The following TRABD2B variants were observed in gnomAD, a reference collection of about 807,000 sequenced individuals.
The protein encoded by TRABD2B is TraB domain containing 2B, also known as metalloprotease TIKI2.
A neutral mutation model predicts 40.1 loss-of-function variants in TRABD2B; 14 were observed. That is an observed-to-expected ratio of 0.35 (90% CI 0.23 to 0.55). TRABD2B has a LOEUF of 0.55. Among genes scored for constraint, TRABD2B ranks in the 20% least tolerant of loss-of-function variants. The pLI is 0.90. For missense variants in TRABD2B, 541 were observed against 648.6 expected, an observed-to-expected ratio of 0.83 and a Z score of 1.80; for synonymous variants, 263 against 277.0, an observed-to-expected ratio of 0.95 and a Z score of 0.50.
At chr1:47,971,285 T>C (rs1645678679) in intron 2 of TRABD2B, among the ~76,000 whole-genome samples, 2 of 152,188 alleles carry the variant, frequency 1.3e-5, no homozygotes, top group African/African-American at 4.8e-5. Flanking sequence ...CAAACAGACA[T>C]GTCCCTGCTA....
At position 47,994,125 on chromosome 1, in the gene TRABD2B, T is replaced by C; in HGVS notation, c.575A>G (p.Gln192Arg). The change falls in exon 2 of 7, where the codon CAG becomes CGG. Residue 192 changes from glutamine to arginine, a missense_variant. Coordinates refer to ENST00000606738, the MANE Select transcript of TRABD2B (RefSeq NM_001194986.2). The surrounding 1 kb of genome is among the most constrained non-coding windows in gnomAD (Gnocchi z 6.7). Reference sequence around the variant, plus strand: ...GGTCTTCTTCATCTTCTCAGCCTGCTGGGCCAGGTAGAGGTCGAGCACGGG... The same window carrying C: ...GGTCTTCTTCATCTTCTCAGCCTGCCGGGCCAGGTAGAGGTCGAGCACGGG... ...GVPVLDLYLA[Q>R]QAEKMKKTTG... is the part of the protein sequence containing the mutation. The C allele has an allele frequency of 1.3e-6, 2 of 1,536,284 alleles. No homozygotes were observed. Among genetic ancestry groups the C allele is most frequent in the South Asian group, 2.4e-5 (2 of 84,060 alleles).
At chr1:47,863,683 G>T (rs2124563879) in intron 2 of TRABD2B, among the ~76,000 whole-genome samples, 1 of 152,226 alleles carries the variant, frequency 6.6e-6, no homozygotes, top group African/African-American at 2.4e-5. Flanking sequence ...CACTTTGGAA[G>T]ATGGTTAGGT....
chr1:47,817,534 G>A (rs1291421179), intron 2 of TRABD2B, among the ~76,000 whole-genome samples: 1 of 152,068 alleles, frequency 6.6e-6, no homozygotes, highest in Non-Finnish European at 1.5e-5. Flanking sequence ...TAGTGACAGG[G>A]AGCTCATCAC....
chr1:47,778,635 G>A (rs1012591210), intron 4 of TRABD2B, 91 bp from the exon 5 acceptor site: 3 of 906,230 alleles, frequency 3.3e-6, no homozygotes, highest in Non-Finnish European at 5.2e-6. Flanking sequence ...TTTGTATCTG[G>A]GCCAGTGACC....
At chr1:47,860,589 C>G (rs1247877795) in intron 2 of TRABD2B, among the ~76,000 whole-genome samples, 3 of 152,186 alleles carry the variant, frequency 2.0e-5, no homozygotes, top group Admixed American at 2.0e-4. Flanking sequence ...TGGGCCCCAG[C>G]ATCTTATTAG....
chr1:47,871,482 A>G (rs1644139976), intron 2 of TRABD2B, among the ~76,000 whole-genome samples: 1 of 152,192 alleles, frequency 6.6e-6, no homozygotes, highest in Non-Finnish European at 1.5e-5. Flanking sequence ...CTGCATGCCT[A>G]CTGAACAGAA....
At chr1:47,910,995 G>A (rs1159772619) in intron 2 of TRABD2B, among the ~76,000 whole-genome samples, 1 of 152,162 alleles carries the variant, frequency 6.6e-6, no homozygotes, top group Non-Finnish European at 1.5e-5. Context: ...GCAGAGGATG[G>A]AGCCACCTTT....
At chr1:47,908,689 C>T (rs1211782158) in intron 2 of TRABD2B, among the ~76,000 whole-genome samples, 4 of 152,210 alleles carry the variant, frequency 2.6e-5, no homozygotes, top group African/African-American at 9.6e-5. Flanking sequence ...TTCTTCAACC[C>T]TCAATGGCCA....
At chr1:47,981,363 G>C (rs1645838601) in intron 2 of TRABD2B, among the ~76,000 whole-genome samples, 1 of 152,218 alleles carries the variant, frequency 6.6e-6, no homozygotes, top group African/African-American at 2.4e-5. Context: ...ACAGGGGTCT[G>C]CAGCCAGAGT....
chr1:47,882,279 C>A lies in TRABD2B; in HGVS notation c.667-80660G>T, dbSNP rs189949899. 3.0e-4 allele frequency among the ~76,000 whole-genome samples: 46 copies of A among 152,352 alleles called. No individual in the cohort carries two copies. In the East Asian group the frequency reaches 5.8e-3, roughly 19 times the overall value. The stretch of plus-strand genomic sequence containing the variant: ...ATGGGACTTCACTGTGGGGACTGCA[C>A]GTGTGTGCCTGACCACCCGCCACAG... On this transcript the variant is annotated intron_variant, in intron 2 of 6. Transcript: ENST00000606738.
chr1:47,781,582 A>T (rs1474666491), intron 4 of TRABD2B, among the ~76,000 whole-genome samples: 2 of 152,182 alleles, frequency 1.3e-5, no homozygotes, highest in East Asian at 3.9e-4. Flanking sequence ...GTAAGACCCA[A>T]AACAGAAGAC....
At position 47,994,265 on chromosome 1, in the gene TRABD2B, G is replaced by C. The variant is rs762289023; in HGVS notation, c.435C>G (p.Leu145=). ...TGGCATTGAATAGGTAGTCAGCATA[G>C]AGCCCCTTGCCCCGCTGAGCGGGCG... The part of the protein sequence containing the change: ...WMTPAQRGKG[L]YADYLFNAIA... Residue 145 remains leucine, a synonymous_variant, in exon 2 of 7, where the codon CTC becomes CTG. Coordinates refer to ENST00000606738, the MANE Select transcript of TRABD2B (RefSeq NM_001194986.2). The surrounding 1 kb of genome is among the most constrained non-coding windows in gnomAD (Gnocchi z 6.7). 3.9e-6 allele frequency: 6 copies of C among 1,537,286 alleles called. No individual in the cohort carries two copies. Among genetic ancestry groups the C allele is most frequent in the Admixed American group, 3.9e-5 (2 of 51,032 alleles).
In TRABD2B at chr1:47,768,055, CT is replaced by C. The variant is rs1448499847; in HGVS notation, c.1350-1950del. Among the ~76,000 whole-genome samples the C allele has an allele frequency of 1.1e-4, 16 of 152,320 alleles. 1 individual carries two copies. The East Asian group carries it at 2.9e-3, about 28-fold the overall frequency. On this transcript the variant is annotated intron_variant, in intron 6 of 6. Coordinates refer to ENST00000606738, the MANE Select transcript of TRABD2B (RefSeq NM_001194986.2). The stretch of plus-strand genomic sequence containing the variant: ...GCTTGGGAGCAGGTGTCCAAACGGC[CT>C]CTGGCACTCTGTCCTGGCTTGACGT...
At chr1:47,816,705 CA>C (rs1220559794) in intron 2 of TRABD2B, among the ~76,000 whole-genome samples, 1 of 152,172 alleles carries the variant, frequency 6.6e-6, no homozygotes, top group African/African-American at 2.4e-5. Context: ...ACTCTTTATT[CA>C]GAGTACTTAT....
At chr1:47,928,112 G>A (rs1486618658) in intron 2 of TRABD2B, among the ~76,000 whole-genome samples, 2 of 152,218 alleles carry the variant, frequency 1.3e-5, no homozygotes, top group Admixed American at 6.5e-5. Flanking sequence ...TCCATGGAAC[G>A]TAACCCCTTC....
At chr1:47,781,283 G>A (rs898761141) in intron 4 of TRABD2B, among the ~76,000 whole-genome samples, 4 of 152,172 alleles carry the variant, frequency 2.6e-5, no homozygotes, top group African/African-American at 4.8e-5. Flanking sequence ...AGCGGTCCTC[G>A]CGTTTGCCCA....
chr1:47,897,317 C>T (rs913582873), intron 2 of TRABD2B, among the ~76,000 whole-genome samples: 1 of 152,092 alleles, frequency 6.6e-6, no homozygotes, highest in Non-Finnish European at 1.5e-5. Flanking sequence ...AGAGAGGAAG[C>T]GAGCTGGGGG....
chr1:47,875,674 C>CAAAAAAAA lies in TRABD2B; in HGVS notation c.667-74063_667-74056dup, dbSNP rs10541556. On this transcript the variant is annotated intron_variant, in intron 2 of 6. Transcript: ENST00000606738. ...TGCACAACAGAGTGAAACCCTGTCT[C>CAAAAAAAA]AAAAAAAAAAAAAAAAAAAAAAAAA... Among the ~76,000 whole-genome samples, 109 of 75,922 alleles carry CAAAAAAAA rather than the reference C, an allele frequency of 1.4e-3. 1 individual carries two copies. Among genetic ancestry groups the CAAAAAAAA allele is most frequent in the Admixed American group, 4.4e-3 (26 of 5,856 alleles). 49.8% of individuals were successfully genotyped at this position (75,922 alleles called of 152,430 possible).
intron 2 of TRABD2B, among the ~76,000 whole-genome samples, chr1:47,972,830 A>G (rs887548915): frequency 3.3e-5 from 5 of 152,016 alleles, no homozygotes; most frequent in African/African-American, 1.2e-4. Context: ...ACTCCCCTCA[A>G]TGCCCTTCAG....
Sources: gnomAD v4.1 joint callset for allele counts (sites outside exome capture counted in the v4.1 genomes callset) on GRCh38, gnomAD v4.1.1 for gene constraint, Gnocchi (gnomAD v3.1) non-coding constraint, MANE v1.5 for transcripts, NCBI Gene and HGNC (gene_info 2026-07-23, HGNC 2026-07-21) for gene names.